UBE2H: variants seen among roughly 807,000 people sequenced by gnomAD.
The protein encoded by UBE2H is ubiquitin conjugating enzyme E2 H.
A neutral mutation model predicts 29.0 loss-of-function variants in UBE2H; 3 were observed. The ratio of observed to expected loss-of-function variants is 0.10; its 90% confidence interval spans 0.05 to 0.27. UBE2H has a LOEUF of 0.27. Among genes scored for constraint, UBE2H ranks in the 10% least tolerant of loss-of-function variants. The pLI, the probability that UBE2H is intolerant of heterozygous loss-of-function variation, is 1.00. For synonymous variants in UBE2H, 69 were observed against 82.9 expected, an observed-to-expected ratio of 0.83 and a Z score of 0.91; for missense variants, 68 against 228.2, an observed-to-expected ratio of 0.30 and a Z score of 4.52.
intron 1 of UBE2H, among the ~76,000 whole-genome samples, chr7:129,890,890 T>C (rs1806469957): frequency 6.6e-6 from 1 of 152,006 alleles, no homozygotes; most frequent in African/African-American, 2.4e-5. Flanking sequence ...ATCCCAGCAC[T>C]TTGGGAGGCC....
intron 3 of UBE2H, among the ~76,000 whole-genome samples, chr7:129,870,769 ATCTT>A (rs1806014241): frequency 6.6e-6 from 1 of 152,024 alleles, no homozygotes; most frequent in African/African-American, 2.4e-5. Flanking sequence ...AAACTATGTA[ATCTT>A]TCTATTACAT....
chr7:129,887,667 G>T (rs995937620), intron 1 of UBE2H, among the ~76,000 whole-genome samples: 6 of 142,006 alleles, frequency 4.2e-5, no homozygotes, highest in Non-Finnish European at 9.7e-5. Flanking sequence ...GGCTGGGTGA[G>T]GTGGCTCACA....
At chr7:129,863,367 A>C (rs1490796151) in intron 3 of UBE2H, among the ~76,000 whole-genome samples, 27 of 152,184 alleles carry the variant, frequency 1.8e-4, no homozygotes, top group Admixed American at 1.8e-3. Context: ...TCAACTAATC[A>C]ACTGCAGGCC....
intron 5 of UBE2H, among the ~76,000 whole-genome samples, chr7:129,848,814 T>C (rs1223258637): frequency 6.7e-6 from 1 of 148,848 alleles, no homozygotes; most frequent in Admixed American, 6.7e-5. Flanking sequence ...GGGTATCTAC[T>C]ATATGCACAA....
intron 1 of UBE2H, among the ~76,000 whole-genome samples, chr7:129,911,643 T>A (rs1010555320): frequency 1.2e-4 from 19 of 152,182 alleles, no homozygotes; most frequent in Admixed American, 4.6e-4. Context: ...ATGTTTTTTT[T>A]AATTATTTTT....
At chr7:129,859,307 T>C (rs1376566727) in intron 3 of UBE2H, among the ~76,000 whole-genome samples, 1 of 152,220 alleles carries the variant, frequency 6.6e-6, no homozygotes, top group Non-Finnish European at 1.5e-5. Context: ...AGAAGTTTTG[T>C]TGTTCAAGCT....
chr7:129,895,575 C>A (rs1806583273), intron 1 of UBE2H, among the ~76,000 whole-genome samples: 1 of 152,056 alleles, frequency 6.6e-6, no homozygotes, highest in Non-Finnish European at 1.5e-5. Flanking sequence ...TTTCTTCCCC[C>A]CAACTCCCTC....
At chr7:129,937,498 G>A (rs1296347353) in intron 1 of UBE2H, among the ~76,000 whole-genome samples, 2 of 152,104 alleles carry the variant, frequency 1.3e-5, no homozygotes, top group African/African-American at 4.8e-5. Context: ...ATTACTCCAA[G>A]AGAAAGAACT....
At chr7:129,921,959 T>C (rs1426956203) in intron 1 of UBE2H, among the ~76,000 whole-genome samples, 1 of 152,116 alleles carries the variant, frequency 6.6e-6, no homozygotes, top group African/African-American at 2.4e-5. Flanking sequence ...AATGGTACTG[T>C]GTTTATGTAA....
intron 1 of UBE2H, among the ~76,000 whole-genome samples, chr7:129,920,532 AAAGT>A (rs1471606795): frequency 2.6e-5 from 4 of 152,176 alleles, no homozygotes; most frequent in African/African-American, 2.4e-5. Flanking sequence ...ATAAATCTTA[AAAGT>A]AATATTGAAT....
chr7:129,906,204 TTTTC>T (rs1250360288), intron 1 of UBE2H, among the ~76,000 whole-genome samples: 21 of 148,074 alleles, frequency 1.4e-4, no homozygotes, highest in African/African-American at 4.8e-4. Context: ...AGCCATTTTT[TTTTC>T]TTTCTTTTTT....
chr7:129,931,603 A>C (rs963953316), intron 1 of UBE2H, among the ~76,000 whole-genome samples: 1 of 152,170 alleles, frequency 6.6e-6, no homozygotes, highest in African/African-American at 2.4e-5. Context: ...TATCCAGCTT[A>C]AGAAAAGAAA....
intron 1 of UBE2H, among the ~76,000 whole-genome samples, chr7:129,883,141 T>C (rs1272433689): frequency 1.3e-5 from 2 of 152,210 alleles, no homozygotes; most frequent in African/African-American, 2.4e-5. Flanking sequence ...ACGAAAGAGC[T>C]GGATAAAATC....
chr7:129,880,817 C>T (rs1309461860), intron 2 of UBE2H, 78 bp downstream of exon 2: 1 of 1,317,426 alleles, frequency 7.6e-7, no homozygotes, highest in Non-Finnish European at 1.1e-6. Context: ...ACGCATGCTA[C>T]CATCTGTCTT....
At chr7:129,926,900 A>G (rs986876391) in intron 1 of UBE2H, among the ~76,000 whole-genome samples, 4 of 152,202 alleles carry the variant, frequency 2.6e-5, no homozygotes, top group African/African-American at 9.6e-5. Context: ...ACATACTAGT[A>G]CATATGTACT....
chr7:129,940,842 T>C (rs1462257407), intron 1 of UBE2H, among the ~76,000 whole-genome samples: 1 of 152,224 alleles, frequency 6.6e-6, no homozygotes, highest in Non-Finnish European at 1.5e-5. Context: ...TCTTCTCCAA[T>C]GTGATACCCA....
In UBE2H at chr7:129,834,473, A is replaced by T. The variant is rs1264001924; in HGVS notation, c.*464T>A. The T allele has an allele frequency of 6.4e-6, 1 of 155,790 alleles. No homozygotes were observed. The highest frequency in any genetic ancestry group is 1.9e-4 in the East Asian group (1 of 5,310). The allele number at this position is 155,790 out of a possible 1,614,324, so 9.7% of individuals were successfully genotyped here. A position where few individuals can be genotyped will look rare whatever the true frequency, so the allele number is the denominator to read the frequency against. On this transcript the variant is annotated 3_prime_UTR_variant, in exon 7 of 7. Transcript: ENST00000355621. ...TTACATGGCTGGCTCCGATGCCCCC[A>T]CAGCAGGCCTCTTCCTCCCCAAGTT...
At chr7:129,836,305 T>A (rs564769737) in intron 6 of UBE2H, among the ~76,000 whole-genome samples, 2 of 152,220 alleles carry the variant, frequency 1.3e-5, no homozygotes, top group Non-Finnish European at 2.9e-5. Context: ...CCCTCTTTAA[T>A]GTATTCAAGG....
At chr7:129,944,932 A>G (rs990743232) in intron 1 of UBE2H, among the ~76,000 whole-genome samples, 8 of 151,844 alleles carry the variant, frequency 5.3e-5, no homozygotes, top group South Asian at 2.1e-4. Context: ...GTATATCCAC[A>G]TAATAGAATA....
Sources: gnomAD v4.1 joint callset for allele counts (sites outside exome capture counted in the v4.1 genomes callset) on GRCh38, gnomAD v4.1.1 for gene constraint, MANE v1.5 for transcripts, NCBI Gene and HGNC (gene_info 2026-07-23, HGNC 2026-07-21) for gene names.